The following USP34 variants were observed in gnomAD, a reference collection of about 807,000 sequenced individuals.
USP34 encodes ubiquitin carboxyl-terminal hydrolase 34.
USP34 carries 70 observed loss-of-function variants against 460.3 expected under a neutral mutation model. The observed-to-expected ratio is 0.15, with a 90% CI of 0.13 to 0.19. The LOEUF is 0.19. Ranked by LOEUF, USP34 falls within the 10% of genes least tolerant of loss-of-function variation. The pLI is 1.00. For synonymous variants in USP34, 1,647 were observed against 1,405.3 expected (o/e 1.17, Z -3.85); for missense variants, 3,985 against 4,236.2 (o/e 0.94, Z 1.65).
At chr2:61,418,116 T>C (rs918922988) in intron 2 of USP34, among the ~76,000 whole-genome samples, 33 of 151,536 alleles carry the variant, frequency 2.2e-4, no homozygotes, top group Non-Finnish European at 4.4e-5. Flanking sequence ...AGTCTCACTC[T>C]ATTCCAGGCT....
intron 70 of USP34, chr2:61,207,088 G>T: frequency 2.0e-6 from 1 of 497,330 alleles, no homozygotes; most frequent in Non-Finnish European, 3.5e-6. Flanking sequence ...TCAGAGCTCT[G>T]CTATTTTGTG....
At chr2:61,300,607 C>T (rs1215551970) in intron 29 of USP34, among the ~76,000 whole-genome samples, 2 of 151,420 alleles carry the variant, frequency 1.3e-5, no homozygotes, top group South Asian at 2.1e-4. Context: ...ACCAGCCTGA[C>T]CAACACAGTG....
intron 1 of USP34, among the ~76,000 whole-genome samples, chr2:61,440,798 G>GT (rs561426051): frequency 2.1e-3 from 318 of 151,392 alleles, no homozygotes; most frequent in South Asian, 4.2e-3. Flanking sequence ...GATTACAGGC[G>GT]TAAGGCACCA....
intron 1 of USP34, among the ~76,000 whole-genome samples, chr2:61,443,161 G>A (rs111368458): frequency 0.012 from 1,783 of 152,264 alleles, 33 homozygotes; most frequent in African/African-American, 0.041. Context: ...AGAATAGGGA[G>A]AGATTTGTGA....
At chr2:61,435,454 TA>T (rs372905001) in intron 1 of USP34, among the ~76,000 whole-genome samples, 79 of 142,502 alleles carry the variant, frequency 5.5e-4, no homozygotes, top group South Asian at 2.2e-4. Flanking sequence ...GTTAAAGTAC[TA>T]AAAAAAAAAC....
intron 18 of USP34, among the ~76,000 whole-genome samples, chr2:61,339,087 G>C (rs1439064094): frequency 1.3e-5 from 2 of 152,254 alleles, no homozygotes; most frequent in South Asian, 2.1e-4. Context: ...GAATCAAAAA[G>C]ATAGTATTGT....
intron 43 of USP34, among the ~76,000 whole-genome samples, chr2:61,259,978 CTATCT>C (rs1572879223): frequency 6.6e-6 from 1 of 152,278 alleles, no homozygotes; most frequent in South Asian, 2.1e-4. Flanking sequence ...ACAGCTATTA[CTATCT>C]TATAAGGAAA....
chr2:61,262,116 A>AAAAAATATAT (rs1553359480), intron 43 of USP34, among the ~76,000 whole-genome samples: 1 of 47,382 alleles, frequency 2.1e-5, no homozygotes, highest in African/African-American at 8.2e-5. Flanking sequence ...AAAAAAAAAA[A>AAAAAATATAT]ATATATATAT....
chr2:61,220,170 AAAAAAAAAAAAAG>A, intron 67 of USP34, 127 bp downstream of exon 67: 2 of 449,582 alleles, frequency 4.4e-6, no homozygotes, highest in South Asian at 6.8e-5. Flanking sequence ...AAAAAAAAAA[AAAAAAAAAAAAAG>A]GAAATAACAT....
chr2:61,353,187 G>GA (rs1691996521), intron 10 of USP34, among the ~76,000 whole-genome samples: 1 of 152,208 alleles, frequency 6.6e-6, no homozygotes, highest in Admixed American at 6.5e-5. Context: ...AAGATTCTCT[G>GA]TTCCGACAGC....
chr2:61,285,649 G>A (rs1012667262), intron 34 of USP34, among the ~76,000 whole-genome samples: 1 of 152,050 alleles, frequency 6.6e-6, no homozygotes, highest in African/African-American at 2.4e-5. Context: ...TTCTTGGGAA[G>A]GGGTTGGTGA....
At chr2:61,226,462 C>A (rs1687733241) in intron 62 of USP34, among the ~76,000 whole-genome samples, 1 of 152,208 alleles carries the variant, frequency 6.6e-6, no homozygotes, top group Non-Finnish European at 1.5e-5. Flanking sequence ...CACACATACA[C>A]ACTCTCTCTC....
chr2:61,426,145 C>A (rs1458760103), intron 1 of USP34, among the ~76,000 whole-genome samples: 2 of 152,100 alleles, frequency 1.3e-5, no homozygotes, highest in Non-Finnish European at 2.9e-5. Context: ...GACTTGCTGG[C>A]TTCAGTGAGA....
intron 58 of USP34, among the ~76,000 whole-genome samples, chr2:61,231,865 AAT>A (rs1687915813): frequency 1.3e-5 from 2 of 149,088 alleles, no homozygotes; most frequent in African/African-American, 4.9e-5. Context: ...TAAATATATA[AAT>A]ATGATATATA....
In USP34 at chr2:61,382,247, T is replaced by C. The variant is rs148022901; in HGVS notation, c.821+1022A>G. Among the ~76,000 whole-genome samples the C allele has an allele frequency of 4.5e-3, 685 of 152,254 alleles. 5 individuals are homozygous for C. The highest frequency in any genetic ancestry group is 8.3e-3 in the Admixed American group (127 of 15,288). ...CTAAAAACCCTTCAATAGACTCCCATTGAAAAAATTAAATCCATACTCCTT... is the reference window on the plus strand; with the variant it reads ...CTAAAAACCCTTCAATAGACTCCCACTGAAAAAATTAAATCCATACTCCTT... On this transcript the variant is annotated intron_variant, in intron 6 of 79. Coordinates refer to ENST00000398571, the MANE Select transcript of USP34 (RefSeq NM_014709.4).
rs1691850605 is a variant in USP34, at chr2:61,348,827, T to C, written c.1603A>G (p.Ser535Gly). ...AGTTGCTCATCCATTTCAATGTCACTACCTCCACTTTGATGTGTATCGCTA... is the reference window on the plus strand; with the variant it reads ...AGTTGCTCATCCATTTCAATGTCACCACCTCCACTTTGATGTGTATCGCTA... ...DNSDTHQSGG[S>G]DIEMDEQLIN... is the part of the protein sequence containing the mutation. The change falls in exon 14 of 80, where the codon AGT becomes GGT. Residue 535 changes from serine (S) to glycine (G), a missense_variant. By Grantham distance (56) the Ser-to-Gly change is moderately conservative (BLOSUM62 0). Coordinates refer to ENST00000398571, the MANE Select transcript of USP34 (RefSeq NM_014709.4). 9 of 1,613,936 alleles carry C rather than the reference T, an allele frequency of 5.6e-6. No individual in the cohort carries two copies. Among genetic ancestry groups the C allele is most frequent in the Non-Finnish European group, 7.6e-6 (9 of 1,179,902 alleles).
At chr2:61,274,074 C>G (rs1689299815) in intron 41 of USP34, among the ~76,000 whole-genome samples, 1 of 150,976 alleles carries the variant, frequency 6.6e-6, no homozygotes, top group Non-Finnish European at 1.5e-5. Flanking sequence ...CACCTGACTA[C>G]ATGAAAAAAA....
At chr2:61,396,907 C>T (rs1693548270) in intron 3 of USP34, among the ~76,000 whole-genome samples, 1 of 152,108 alleles carries the variant, frequency 6.6e-6, no homozygotes, top group Non-Finnish European at 1.5e-5. Flanking sequence ...TGAAAATAAA[C>T]TGTATACTTT....
rs745399317 is a variant in USP34 at position 61,190,400 on chromosome 2, C to T, written c.9744G>A (p.Val3248=). 1.1e-5 allele frequency: 17 copies of T among 1,607,028 alleles called. No individual in the cohort carries two copies. Among genetic ancestry groups the T allele is most frequent in the Admixed American group, 3.4e-5 (2 of 58,200 alleles). The change falls in exon 78 of 80, where the codon GTG becomes GTA. Residue 3248 remains valine (V), a synonymous_variant. Transcript: ENST00000398571. ...THFLLKVQSQ[V]FSEANCANLI... is the part of the protein sequence containing the mutation. ...AATTGGCACAGTTTGCTTCAGAAAACACTTGACTTTGAACCTGAAAAAGAA... is the reference window on the plus strand; with the variant it reads ...AATTGGCACAGTTTGCTTCAGAAAATACTTGACTTTGAACCTGAAAAAGAA...
Sources: gnomAD v4.1 joint callset for allele counts (sites outside exome capture counted in the v4.1 genomes callset) on GRCh38, gnomAD v4.1.1 for gene constraint, MANE v1.5 for transcripts, NCBI Gene and HGNC (gene_info 2026-07-23, HGNC 2026-07-21) for gene names.